GLG1: variants seen among roughly 807,000 people sequenced by gnomAD.
The protein encoded by GLG1 is golgi glycoprotein 1.
A neutral mutation model predicts 160.5 loss-of-function variants in GLG1; 38 were observed. The ratio of observed to expected loss-of-function variants is 0.24; its 90% confidence interval spans 0.18 to 0.31. The LOEUF (loss-of-function observed/expected upper bound fraction) is 0.31, where lower values mean the gene tolerates loss of function less well. GLG1 is among the 10% of genes least tolerant of loss of function. The pLI is 1.00. For missense variants in GLG1, 1,373 were observed against 1,505.2 expected (o/e 0.91, Z 1.45); for synonymous variants, 644 against 543.4 (o/e 1.19, Z -2.57).
intron 4 of GLG1, among the ~76,000 whole-genome samples, chr16:74,498,200 A>C (rs1263371240): frequency 6.6e-6 from 1 of 151,522 alleles, no homozygotes; most frequent in Admixed American, 6.6e-5. Flanking sequence ...TGGGAGGCCA[A>C]GGTGGGCGGA....
In GLG1 at chr16:74,540,051, A is replaced by AT. The variant is rs56753872; in HGVS notation, c.439-7899dup. Reference sequence around the variant, plus strand: ...TATATATATTTTATATATATATTATATATATTTTATATATATATATTATAT... The same window carrying AT: ...TATATATATTTTATATATATATTATATTATATTTTATATATATATATTATAT... On this transcript the variant is annotated intron_variant, in intron 1 of 25. Coordinates refer to ENST00000422840, the MANE Select transcript of GLG1 (RefSeq NM_001145667.2). Among the ~76,000 whole-genome samples, 4 of 2,684 alleles carry AT rather than the reference A, an allele frequency of 1.5e-3. 1 individual carries two copies. Among genetic ancestry groups the AT allele is most frequent in the Non-Finnish European group, 2.2e-3 (3 of 1,338 alleles). The allele number at this position is 2,684 out of a possible 152,430, so 1.8% of individuals were successfully genotyped here.
chr16:74,577,586 T>G (rs925003657), intron 1 of GLG1, among the ~76,000 whole-genome samples: 1 of 151,202 alleles, frequency 6.6e-6, no homozygotes, highest in African/African-American at 2.4e-5. Context: ...AAGGGGTAAG[T>G]ATTCTGACTT....
intron 1 of GLG1, among the ~76,000 whole-genome samples, chr16:74,581,709 G>A (rs1244321524): frequency 6.6e-6 from 1 of 151,860 alleles, no homozygotes; most frequent in Admixed American, 6.6e-5. Flanking sequence ...TCAGGAGTTC[G>A]AGACCAGCCT....
intron 2 of GLG1, among the ~76,000 whole-genome samples, chr16:74,530,590 A>C (rs1365510757): frequency 6.6e-6 from 1 of 152,036 alleles, no homozygotes; most frequent in Non-Finnish European, 1.5e-5. Flanking sequence ...TGGGCTAGAG[A>C]ATGCTTAAAT....
At chr16:74,591,008 T>C (rs1425003501) in intron 1 of GLG1, among the ~76,000 whole-genome samples, 1 of 152,012 alleles carries the variant, frequency 6.6e-6, no homozygotes, top group African/African-American at 2.4e-5. Context: ...TTCAACTATT[T>C]CAAAACTCTG....
chr16:74,601,318 C>T lies in GLG1; in HGVS notation c.438+5339G>A, dbSNP rs542784994. Among the ~76,000 whole-genome samples the T allele has an allele frequency of 2.0e-5, 3 of 151,900 alleles. No homozygotes were observed. The South Asian group carries it at 6.2e-4, about 32-fold the overall frequency. On this transcript the variant is annotated intron_variant, in intron 1 of 25. Coordinates refer to ENST00000422840, the MANE Select transcript of GLG1 (RefSeq NM_001145667.2). ...CTGTAGGGGCAGGGTGTGGTGGCTC[C>T]GCCTGTAACCTCAGCATCCGGGAGG...
Position 74,498,466 on chromosome 16 carries a change from ATT to A in GLG1, c.775-1824_775-1823del, listed in dbSNP as rs1491202744. Among the ~76,000 whole-genome samples the A allele has an allele frequency of 1.2e-4, 10 of 86,678 alleles. No individual in the cohort carries two copies. In the South Asian group the frequency reaches 1.4e-3, roughly 12 times the overall value. The allele number at this position is 86,678 out of a possible 152,430, so 56.9% of individuals were successfully genotyped here. A position where few individuals can be genotyped will look rare whatever the true frequency, so the allele number is the denominator to read the frequency against. ...AAAAAAAGTATATATATATATATAT[ATT>A]ATATTTTATATATATATTTTATATA... is the stretch of plus-strand genomic sequence containing the variant. On this transcript the variant is annotated intron_variant, in intron 4 of 25. Coordinates refer to ENST00000422840, the MANE Select transcript of GLG1 (RefSeq NM_001145667.2).
At chr16:74,516,610 T>C (rs2016985671) in intron 2 of GLG1, among the ~76,000 whole-genome samples, 1 of 152,110 alleles carries the variant, frequency 6.6e-6, no homozygotes, top group South Asian at 2.1e-4. Context: ...GCAGGAAAGA[T>C]CTAAAATTGA....
intron 7 of GLG1, among the ~76,000 whole-genome samples, 181 bp downstream of exon 7, chr16:74,492,776 G>C (rs577266869): frequency 6.7e-5 from 10 of 149,802 alleles, no homozygotes; most frequent in South Asian, 4.2e-4. Context: ...CCGAGATTGC[G>C]CCACTGCCCT....
intron 8 of GLG1, among the ~76,000 whole-genome samples, chr16:74,487,465 A>G (rs1345074697): frequency 1.3e-5 from 2 of 152,150 alleles, no homozygotes; most frequent in African/African-American, 4.8e-5. Flanking sequence ...TTATCCTGAA[A>G]GAAGCTGGTA....
chr16:74,521,263 G>C (rs2017154429), intron 2 of GLG1, among the ~76,000 whole-genome samples: 1 of 152,068 alleles, frequency 6.6e-6, no homozygotes. Flanking sequence ...ACAAAGATTT[G>C]GGAGTTTAAT....
intron 2 of GLG1, among the ~76,000 whole-genome samples, chr16:74,516,725 C>T (rs1004121210): frequency 7.9e-5 from 12 of 151,918 alleles, no homozygotes; most frequent in Non-Finnish European, 1.2e-4. Flanking sequence ...CTGAAGGAGA[C>T]AGAGACACAA....
chr16:74,560,648 T>C (rs2018486045), intron 1 of GLG1, among the ~76,000 whole-genome samples: 1 of 152,112 alleles, frequency 6.6e-6, no homozygotes, highest in Non-Finnish European at 1.5e-5. Context: ...CCCTAAAAAC[T>C]CTTTATAAAA....
rs757835452 is a variant in GLG1, at chr16:74,531,538, G to GCTGGTCTCAAACTC, written c.471+569_471+582dup. On this transcript the variant is annotated intron_variant, in intron 2 of 25. Coordinates refer to ENST00000422840, the MANE Select transcript of GLG1 (RefSeq NM_001145667.2). The stretch of plus-strand genomic sequence containing the variant: ...AGACAGGATTCTCCATGTTGGCTGG[G>GCTGGTCTCAAACTC]CTGGTCTCAAACTCCTGGTCTCAAG... Among the ~76,000 whole-genome samples the GCTGGTCTCAAACTC allele has an allele frequency of 3.5e-3, 536 of 152,102 alleles. 2 individuals are homozygous for GCTGGTCTCAAACTC. Among genetic ancestry groups the GCTGGTCTCAAACTC allele is most frequent in the Middle Eastern group, 0.01 (3 of 294 alleles).
intron 10 of GLG1, among the ~76,000 whole-genome samples, chr16:74,481,840 A>G (rs1041160322): frequency 6.6e-6 from 1 of 151,966 alleles, no homozygotes; most frequent in Admixed American, 6.6e-5. Context: ...GCTGGAGGGC[A>G]GTGGCGCGAT....
chr16:74,454,041 T>A (rs1213286696), intron 25 of GLG1, among the ~76,000 whole-genome samples: 1 of 151,760 alleles, frequency 6.6e-6, no homozygotes, highest in Non-Finnish European at 1.5e-5. Flanking sequence ...ACAGCTAATT[T>A]TTTTGGTATT....
chr16:74,531,058 A>G (rs1313114062), intron 2 of GLG1, among the ~76,000 whole-genome samples: 1 of 152,234 alleles, frequency 6.6e-6, no homozygotes, highest in East Asian at 1.9e-4. Context: ...AATCAGATAT[A>G]GATGCAGATA....
chr16:74,561,178 T>TG (rs564523852), intron 1 of GLG1, among the ~76,000 whole-genome samples: 160 of 152,272 alleles, frequency 1.1e-3, no homozygotes, highest in Non-Finnish European at 8.5e-4. Context: ...GAGCTGGGCA[T>TG]GGGGGGCAGC....
chr16:74,494,402 G>A (rs1479415475), intron 6 of GLG1, among the ~76,000 whole-genome samples: 7 of 114,326 alleles, frequency 6.1e-5, no homozygotes, highest in African/African-American at 2.0e-4. Context: ...AATTGAGAAA[G>A]CTTTTTTTTT....
Sources: gnomAD v4.1 joint callset for allele counts (sites outside exome capture counted in the v4.1 genomes callset) on GRCh38, gnomAD v4.1.1 for gene constraint, MANE v1.5 for transcripts, NCBI Gene and HGNC (gene_info 2026-07-23, HGNC 2026-07-21) for gene names.